The following DNAH8 variants were observed in gnomAD, a reference collection of about 807,000 sequenced individuals.
DNAH8 encodes the protein dynein axonemal heavy chain 8.
Under a neutral mutation model 562.1 loss-of-function variants are expected in DNAH8, and 382 were observed. That is an observed-to-expected ratio of 0.68 (90% CI 0.63 to 0.74). The LOEUF (loss-of-function observed/expected upper bound fraction) is 0.74, where lower values mean the gene tolerates loss of function less well. Among genes scored for constraint, DNAH8 ranks in the 30% least tolerant of loss-of-function variants. The probability of loss-of-function intolerance (pLI) is 0.00; values close to 1 mark genes in which losing one functional copy is unlikely to be tolerated. For synonymous variants in DNAH8, 1,881 were observed against 1,919.4 expected (o/e 0.98, Z 0.52); for missense variants, 5,203 against 5,620.4 (o/e 0.93, Z 2.37).
Position 38,872,968 on chromosome 6 carries a change from T to C in DNAH8, c.7300T>C (p.Ser2434Pro). ...TGCCATCTGGATTGAGAACTTAAAT[T>C]CCGTTTTGGATGACAATAAAACTCT... ...VDAIWIENLN[S>P]VLDDNKTLTL... Residue 2434 changes from serine (S) to proline (P), a missense_variant, in exon 51 of 93, where the codon TCC becomes CCC. By Grantham distance (74) the Ser-to-Pro change is moderately conservative. Coordinates refer to ENST00000327475, the MANE Select transcript of DNAH8 (RefSeq NM_001206927.2). 1 of 1,614,166 alleles carries C rather than the reference T, an allele frequency of 6.2e-7. No individual in the cohort carries two copies. The highest frequency in any genetic ancestry group is 8.5e-7 in the Non-Finnish European group (1 of 1,180,004).
chr6:38,860,064 C>G (rs980637762), intron 42 of DNAH8, among the ~76,000 whole-genome samples: 3 of 152,204 alleles, frequency 2.0e-5, no homozygotes, highest in Non-Finnish European at 4.4e-5. Flanking sequence ...TTGTTCCCCG[C>G]TCCTGGTGGC....
intron 24 of DNAH8, among the ~76,000 whole-genome samples, 155 bp from the exon 25 acceptor site, chr6:38,813,899 C>G (rs1422223124): frequency 2.0e-5 from 3 of 152,100 alleles, no homozygotes; most frequent in Non-Finnish European, 4.4e-5. Flanking sequence ...TCTTAGTTCT[C>G]TGCAATTTAG....
intron 28 of DNAH8, among the ~76,000 whole-genome samples, chr6:38,824,255 G>A (rs940413661): frequency 1.3e-5 from 2 of 152,158 alleles, no homozygotes; most frequent in Non-Finnish European, 2.9e-5. Flanking sequence ...TCTCATACAG[G>A]GTGTCTGGGC....
rs779421947 is a variant in DNAH8, at chr6:38,780,077, G to A, written c.2139+12G>A. 8.7e-6 allele frequency: 14 copies of A among 1,609,898 alleles called. No homozygotes were observed. The highest frequency in any genetic ancestry group is 1.0e-5 in the Non-Finnish European group (12 of 1,177,466). ...ATGCTACTAAGAAGGCAAGTGTCATGTTTATAAATAAAATGGTACATTAGC... is the reference window on the plus strand; with the variant it reads ...ATGCTACTAAGAAGGCAAGTGTCATATTTATAAATAAAATGGTACATTAGC... On this transcript the variant is annotated intron_variant, in intron 15 of 92. Coordinates refer to ENST00000327475, the MANE Select transcript of DNAH8 (RefSeq NM_001206927.2).
At chr6:38,791,361 A>G (rs1004173022) in intron 20 of DNAH8, among the ~76,000 whole-genome samples, 194 bp from the exon 21 acceptor site, 2 of 152,252 alleles carry the variant, frequency 1.3e-5, no homozygotes, top group Non-Finnish European at 2.9e-5. Context: ...TTATTGCTCA[A>G]GAAAAATTTA....
At chr6:38,856,457 ATTTGTC>A (rs899979804) in intron 41 of DNAH8, among the ~76,000 whole-genome samples, 7 of 151,912 alleles carry the variant, frequency 4.6e-5, no homozygotes, top group African/African-American at 1.7e-4. Flanking sequence ...CTGCTGGTCT[ATTTGTC>A]TTTAAGTCAG....
In DNAH8 at chr6:38,845,711, G is replaced by T. The variant is rs745822075; in HGVS notation, c.4983G>T (p.Ser1661=). 6.2e-7 allele frequency: 1 copy of T among 1,613,784 alleles called. No homozygotes were observed. Among genetic ancestry groups the T allele is most frequent in the African/African-American group, 1.3e-5 (1 of 74,882 alleles). The change falls in exon 36 of 93, where the codon TCG becomes TCT. Residue 1661 remains serine, a synonymous_variant. Transcript: ENST00000327475. The part of the protein sequence containing the change: ...KGELLLKGTE[S]GEIITLMEDS... ...AGCTCCTGCTCAAAGGAACCGAATC[G>T]GGAGAAATTATCACTTTGATGGAGG...
intron 87 of DNAH8, among the ~76,000 whole-genome samples, chr6:38,987,295 C>T (rs985094035): frequency 6.6e-6 from 1 of 152,194 alleles, no homozygotes; most frequent in Non-Finnish European, 1.5e-5. Flanking sequence ...TGACCCCTCT[C>T]CTGCCTTTCT....
rs900198228 is a variant in DNAH8 at position 38,909,400 on chromosome 6, A to G, written c.9514-118A>G. ...TAAATTTATATATGACTGCAGCCCA[A>G]GAAGATTCATTTTCAAATCTGTGAT... On this transcript the variant is annotated intron_variant, in intron 64 of 92. Coordinates refer to ENST00000327475, the MANE Select transcript of DNAH8 (RefSeq NM_001206927.2). 8.2e-6 allele frequency: 7 copies of G among 855,248 alleles called. 1 individual carries two copies. In the South Asian group the frequency reaches 9.8e-5, roughly 12 times the overall value. 53.0% of individuals were successfully genotyped at this position (855,248 alleles called of 1,614,324 possible).
intron 42 of DNAH8, among the ~76,000 whole-genome samples, chr6:38,859,034 A>G (rs997436923): frequency 6.6e-6 from 1 of 152,246 alleles, no homozygotes; most frequent in Non-Finnish European, 1.5e-5. Context: ...ATTTTCTTTT[A>G]TCTTAATCAC....
intron 79 of DNAH8, among the ~76,000 whole-genome samples, chr6:38,941,503 T>C (rs1291515711): frequency 6.6e-6 from 1 of 152,172 alleles, no homozygotes; most frequent in Non-Finnish European, 1.5e-5. Flanking sequence ...GTGGTTCATA[T>C]TTTTTTCACA....
At chr6:38,743,724 T>G (rs986190514) in intron 8 of DNAH8, among the ~76,000 whole-genome samples, 1 of 152,266 alleles carries the variant, frequency 6.6e-6, no homozygotes, top group East Asian at 1.9e-4. Context: ...TTTTTATGGC[T>G]GAATCATATT....
intron 67 of DNAH8, among the ~76,000 whole-genome samples, chr6:38,914,392 C>CTTTTTT (rs66765653): frequency 1.6e-5 from 1 of 63,990 alleles, no homozygotes; most frequent in Non-Finnish European, 2.7e-5. Flanking sequence ...TGCTTTTTCT[C>CTTTTTT]TTTTTTTTTT....
At chr6:38,932,561 CATT>C (rs1782636571) in intron 76 of DNAH8, among the ~76,000 whole-genome samples, 1 of 152,096 alleles carries the variant, frequency 6.6e-6, no homozygotes, top group African/African-American at 2.4e-5. Flanking sequence ...GCTCAGAAAA[CATT>C]GTTTTATGCA....
intron 14 of DNAH8, 76 bp from the exon 15 acceptor site, chr6:38,779,890 G>A: frequency 1.5e-6 from 2 of 1,345,616 alleles, no homozygotes; most frequent in Non-Finnish European, 1.1e-6. Context: ...ATGAATGAAT[G>A]GATGGTTAGT....
chr6:38,883,314 G>T lies in DNAH8; in HGVS notation c.8002-8G>T. The T allele has an allele frequency of 6.2e-7, 1 of 1,603,684 alleles. No homozygotes were observed. The highest frequency in any genetic ancestry group is 1.1e-5 in the South Asian group (1 of 88,288). On this transcript the variant is annotated splice_region_variant and splice_polypyrimidine_tract_variant and intron_variant, in intron 54 of 92. Transcript: ENST00000327475. ...ACACATTTCAACACTATTATCCTAT[G>T]ATTGCAGGCTGTTTTGCTCACAGGA...
intron 81 of DNAH8, among the ~76,000 whole-genome samples, chr6:38,950,211 TGTGTG>T (rs1195134388): frequency 4.4e-4 from 66 of 151,462 alleles, no homozygotes; most frequent in African/African-American, 1.6e-3. Context: ...TGTGTGTGTG[TGTGTG>T]TGTGTTTGTA....
At chr6:38,890,837 A>T in intron 58 of DNAH8, 76 bp downstream of exon 58, 1 of 997,460 alleles carries the variant, frequency 1.0e-6, no homozygotes, top group Non-Finnish European at 1.6e-6. Flanking sequence ...TGGCTCATTA[A>T]GTTATCATAA....
At chr6:38,719,315 T>A (rs1274806711) in intron 1 of DNAH8, among the ~76,000 whole-genome samples, 1 of 152,196 alleles carries the variant, frequency 6.6e-6, no homozygotes, top group East Asian at 1.9e-4. Flanking sequence ...GTTTGGAGTA[T>A]GATTAAACCT....
Sources: gnomAD v4.1 joint callset for allele counts (sites outside exome capture counted in the v4.1 genomes callset) on GRCh38, gnomAD v4.1.1 for gene constraint, MANE v1.5 for transcripts, NCBI Gene and HGNC (gene_info 2026-07-23, HGNC 2026-07-21) for gene names.